Variants in TRPS1 observed in about 807,000 individuals in gnomAD.
TRPS1 encodes transcriptional repressor GATA binding 1.
TRPS1 carries 6 observed loss-of-function variants against 101.2 expected under a neutral mutation model. The ratio of observed to expected loss-of-function variants is 0.06; its 90% CI spans 0.03 to 0.12. The LOEUF is 0.12. TRPS1 is among the 10% of genes least tolerant of loss of function. TRPS1 has a pLI of 1.00. For synonymous variants in TRPS1, 578 were observed against 589.8 expected, an observed-to-expected ratio of 0.98 and a Z score of 0.29; for missense variants, 1,363 against 1,567.0, an observed-to-expected ratio of 0.87 and a Z score of 2.20.
intron 5 of TRPS1, among the ~76,000 whole-genome samples, chr8:115,467,944 C>T (rs924742056): frequency 1.3e-5 from 2 of 152,176 alleles, no homozygotes; most frequent in Non-Finnish European, 2.9e-5. Flanking sequence ...TGCTGTACGA[C>T]ATCAATTAGA....
intron 5 of TRPS1, among the ~76,000 whole-genome samples, chr8:115,584,631 T>C (rs1817524409): frequency 6.6e-6 from 1 of 151,880 alleles, no homozygotes; most frequent in Non-Finnish European, 1.5e-5. Context: ...ATTCTGCTTT[T>C]TTTTTTTTTT....
chr8:115,665,075 T>G (rs781010665), intron 1 of TRPS1, among the ~76,000 whole-genome samples: 6 of 152,190 alleles, frequency 3.9e-5, no homozygotes, highest in Non-Finnish European at 8.8e-5. Flanking sequence ...ACATTATTGT[T>G]GCTATCAAAA....
intron 5 of TRPS1, among the ~76,000 whole-genome samples, chr8:115,469,167 C>T (rs1397898840): frequency 6.6e-6 from 1 of 151,996 alleles, no homozygotes; most frequent in African/African-American, 2.4e-5. Flanking sequence ...CAAAAACATA[C>T]ACACACACAT....
chr8:115,481,533 T>C (rs1344486549), intron 5 of TRPS1, among the ~76,000 whole-genome samples: 2 of 152,168 alleles, frequency 1.3e-5, no homozygotes, highest in Non-Finnish European at 2.9e-5. Flanking sequence ...GAGAGCCTCA[T>C]CTAACTGTAC....
intron 5 of TRPS1, among the ~76,000 whole-genome samples, chr8:115,533,534 A>C (rs1714251904): frequency 6.8e-6 from 1 of 147,396 alleles, no homozygotes; most frequent in African/African-American, 2.5e-5. Flanking sequence ...CCATGATTAC[A>C]GGGATTAAAT....
chr8:115,445,672 T>C (rs1354891059), intron 5 of TRPS1, among the ~76,000 whole-genome samples: 1 of 152,080 alleles, frequency 6.6e-6, no homozygotes, highest in Non-Finnish European at 1.5e-5. Flanking sequence ...ATATATAAAT[T>C]TAAGAAAAAC....
intron 5 of TRPS1, among the ~76,000 whole-genome samples, chr8:115,435,644 G>A (rs1813429596): frequency 6.6e-6 from 1 of 152,134 alleles, no homozygotes; most frequent in South Asian, 2.1e-4. Context: ...CAAAGCACTG[G>A]TGTGATCTCA....
intron 4 of TRPS1, among the ~76,000 whole-genome samples, chr8:115,597,248 G>T (rs562486680): frequency 5.3e-5 from 8 of 151,910 alleles, no homozygotes; most frequent in Non-Finnish European, 8.8e-5. Flanking sequence ...TTCCAAAGTA[G>T]TATGTTCCGA....
At chr8:115,539,204 A>G (rs933298066) in intron 5 of TRPS1, among the ~76,000 whole-genome samples, 1 of 152,242 alleles carries the variant, frequency 6.6e-6, no homozygotes, top group Non-Finnish European at 1.5e-5. Context: ...CAGGAGACCT[A>G]TCAGTAAAGA....
chr8:115,425,639 TA>T lies in TRPS1; in HGVS notation c.2701-7188del, dbSNP rs1213920285. 2.0e-5 allele frequency among the ~76,000 whole-genome samples: 3 copies of T among 152,250 alleles called. No homozygotes were observed. The South Asian group carries it at 6.2e-4, about 31-fold the overall frequency. Reference sequence around the variant, plus strand: ...CATTAGCTCCATCTCTTCTGAGATGTAACTGGTGATTCTCAGAGTGAAAGAG... The same window carrying T: ...CATTAGCTCCATCTCTTCTGAGATGTACTGGTGATTCTCAGAGTGAAAGAG... On this transcript the variant is annotated intron_variant, in intron 5 of 6. Transcript: ENST00000395715.
At chr8:115,490,329 G>A (rs2130099561) in intron 5 of TRPS1, among the ~76,000 whole-genome samples, 1 of 151,970 alleles carries the variant, frequency 6.6e-6, no homozygotes, top group African/African-American at 2.4e-5. Context: ...TTATTATAAG[G>A]GGATAAAGAT....
At chr8:115,512,670 C>T (rs1460351270) in intron 5 of TRPS1, among the ~76,000 whole-genome samples, 1 of 151,428 alleles carries the variant, frequency 6.6e-6, no homozygotes, top group African/African-American at 2.4e-5. Flanking sequence ...CTGTATTTGG[C>T]ATTATCTATC....
rs145568544 is a variant in TRPS1 at position 115,422,218 on chromosome 8, A to G, written c.2701-3766T>C. ...ATCGTTATTTTTAGAAAAAAAAAAT[A>G]TTTTAGGAAAAAAAGTAGTGTTTGT... On this transcript the variant is annotated intron_variant, in intron 5 of 6. Coordinates refer to ENST00000395715, the MANE Select transcript of TRPS1 (RefSeq NM_014112.5). Among the ~76,000 whole-genome samples the G allele has an allele frequency of 2.4e-3, 366 of 152,200 alleles. 1 individual carries two copies. Among genetic ancestry groups the G allele is most frequent in the Non-Finnish European group, 4.1e-3 (282 of 68,006 alleles).
intron 5 of TRPS1, among the ~76,000 whole-genome samples, chr8:115,559,124 T>C (rs1376102396): frequency 6.6e-6 from 1 of 152,176 alleles, no homozygotes; most frequent in Non-Finnish European, 1.5e-5. Flanking sequence ...TACATTAATA[T>C]TTCTGAATAA....
At chr8:115,521,538 T>C (rs761590822) in intron 5 of TRPS1, among the ~76,000 whole-genome samples, 1 of 151,882 alleles carries the variant, frequency 6.6e-6, no homozygotes, top group South Asian at 2.1e-4. Flanking sequence ...ACTATAACTT[T>C]CAGATGTTTT....
intron 1 of TRPS1, among the ~76,000 whole-genome samples, chr8:115,634,760 CT>C (rs1271167182): frequency 6.6e-6 from 1 of 151,658 alleles, no homozygotes; most frequent in African/African-American, 2.4e-5. Context: ...TAAGAATGCC[CT>C]GTTTTAACAT....
intron 5 of TRPS1, among the ~76,000 whole-genome samples, chr8:115,551,723 A>G (rs2130341569): frequency 6.6e-6 from 1 of 152,346 alleles, no homozygotes; most frequent in African/African-American, 2.4e-5. Flanking sequence ...ATATAGCATT[A>G]AAAGCATAAT....
At chr8:115,529,039 A>C (rs1162892898) in intron 5 of TRPS1, among the ~76,000 whole-genome samples, 1 of 152,110 alleles carries the variant, frequency 6.6e-6, no homozygotes, top group Non-Finnish European at 1.5e-5. Flanking sequence ...TAAACAATTA[A>C]GGAACCAATG....
chr8:115,557,797 T>C (rs1816857811), intron 5 of TRPS1, among the ~76,000 whole-genome samples: 2 of 152,180 alleles, frequency 1.3e-5, no homozygotes, highest in Admixed American at 1.3e-4. Flanking sequence ...ACATGACCCT[T>C]GCATGTCAAA....
Sources: gnomAD v4.1 joint callset for allele counts (sites outside exome capture counted in the v4.1 genomes callset) on GRCh38, gnomAD v4.1.1 for gene constraint, MANE v1.5 for transcripts, NCBI Gene and HGNC (gene_info 2026-07-23, HGNC 2026-07-21) for gene names.